The following PCDHA2 variants were observed in gnomAD, a reference collection of about 807,000 sequenced individuals.
PCDHA2 encodes protocadherin alpha 2.
In PCDHA2, 58 loss-of-function variants were observed where a neutral mutation model predicts 66.0. That is an observed-to-expected ratio of 0.88 (90% CI 0.71 to 1.09). The LOEUF (loss-of-function observed/expected upper bound fraction) is 1.09. Ranked by LOEUF, PCDHA2 falls within the 50% of genes least tolerant of loss-of-function variation. PCDHA2 has a pLI of 0.00. For missense variants in PCDHA2, 1,267 were observed against 1,242.3 expected (o/e 1.02, Z -0.30); for synonymous variants, 634 against 554.0 (o/e 1.14, Z -2.03).
At chr5:140,951,741 C>A (rs1490111006) in intron 1 of PCDHA2, among the ~76,000 whole-genome samples, 3 of 152,062 alleles carry the variant, frequency 2.0e-5, no homozygotes, top group Non-Finnish European at 4.4e-5. Flanking sequence ...CTGCCACTGC[C>A]CTCACCCTCC....
At chr5:140,964,213 A>G (rs1338010666) in intron 1 of PCDHA2, among the ~76,000 whole-genome samples, 10 of 152,210 alleles carry the variant, frequency 6.6e-5, no homozygotes, top group African/African-American at 1.9e-4. Flanking sequence ...CTTTAGTACA[A>G]TGTCTTTCAA....
At chr5:140,884,637 A>G in intron 1 of PCDHA2, 2 of 1,610,636 alleles carry the variant, frequency 1.2e-6, no homozygotes, top group Non-Finnish European at 1.7e-6. Flanking sequence ...GGCCAGAGGG[A>G]GGAGGACTCA....
At chr5:140,956,331 C>T (rs1554222358) in intron 1 of PCDHA2, among the ~76,000 whole-genome samples, 1 of 152,064 alleles carries the variant, frequency 6.6e-6, no homozygotes, top group Non-Finnish European at 1.5e-5. Flanking sequence ...TCCTTCAATA[C>T]CTAGTTTATT....
chr5:140,917,131 G>A (rs572644426), intron 1 of PCDHA2, among the ~76,000 whole-genome samples: 28 of 152,190 alleles, frequency 1.8e-4, no homozygotes, highest in African/African-American at 5.8e-4. Context: ...GACTCCCCAC[G>A]TTGCTCAGCT....
At chr5:140,800,949 C>T in intron 1 of PCDHA2, 1 of 1,081,050 alleles carries the variant, frequency 9.3e-7, no homozygotes, top group Non-Finnish European at 1.2e-6. Context: ...GTTCAAACGA[C>T]ATACAAGGAA....
chr5:140,901,331 G>A (rs545187943), intron 1 of PCDHA2, among the ~76,000 whole-genome samples: 66 of 152,062 alleles, frequency 4.3e-4, no homozygotes, highest in Non-Finnish European at 7.1e-4. Flanking sequence ...TCTTGTAGTC[G>A]TTTTATAGTT....
At chr5:140,883,388 G>T (rs2059587175) in intron 1 of PCDHA2, 2 of 1,614,164 alleles carry the variant, frequency 1.2e-6, no homozygotes, top group Non-Finnish European at 1.7e-6. Context: ...CCTAATCAGT[G>T]TGTCCGATCG....
chr5:141,000,618 G>A (rs1354281260), intron 3 of PCDHA2, among the ~76,000 whole-genome samples: 1 of 150,858 alleles, frequency 6.6e-6, no homozygotes, highest in Non-Finnish European at 1.5e-5. Flanking sequence ...AGTAGAGACA[G>A]GGTTTCACCA....
intron 1 of PCDHA2, chr5:140,850,098 G>A: frequency 6.3e-7 from 1 of 1,596,440 alleles, no homozygotes; most frequent in South Asian, 1.1e-5. Context: ...ACAGTTCCAG[G>A]TGAGCGCGCG....
At chr5:140,866,764 G>A (rs2049554706) in intron 1 of PCDHA2, 1 of 152,110 alleles carries the variant, frequency 6.6e-6, no homozygotes, top group Non-Finnish European at 1.5e-5. Flanking sequence ...GGACATACAG[G>A]CAGATTGTAT....
chr5:141,000,389 C>CTATA (rs2097911342), intron 3 of PCDHA2, among the ~76,000 whole-genome samples: 3 of 62,588 alleles, frequency 4.8e-5, no homozygotes, highest in Non-Finnish European at 8.6e-5. Flanking sequence ...CTCTCTCTCT[C>CTATA]TCTCTCTATA....
chr5:140,917,574 A>AT (rs2078267630), intron 1 of PCDHA2, among the ~76,000 whole-genome samples: 2 of 152,154 alleles, frequency 1.3e-5, no homozygotes, highest in Non-Finnish European at 2.9e-5. Context: ...TCTCAGGCTG[A>AT]TTTTTGTTCA....
intron 1 of PCDHA2, chr5:140,841,790 G>T (rs2150322746): frequency 6.2e-7 from 1 of 1,613,884 alleles, no homozygotes. Flanking sequence ...GCTAGAGGGC[G>T]CGTCCGATGC....
Position 140,920,894 on chromosome 5 carries a change from T to G in PCDHA2, c.2389-58055T>G, listed in dbSNP as rs114918834. Among the ~76,000 whole-genome samples the G allele has an allele frequency of 2.6e-3, 390 of 151,496 alleles. 2 individuals carry two copies. The highest frequency in any genetic ancestry group is 9.2e-3 in the African/African-American group (379 of 41,284). Reference sequence around the variant, plus strand: ...GTGGCCCTTAGAACTTAAAGTCATATTTTGGTTCTCAAATCAGTTCCAAGA... The same window carrying G: ...GTGGCCCTTAGAACTTAAAGTCATAGTTTGGTTCTCAAATCAGTTCCAAGA... On this transcript the variant is annotated intron_variant, in intron 1 of 3. Coordinates refer to ENST00000526136, the MANE Select transcript of PCDHA2 (RefSeq NM_018905.3).
chr5:140,884,339 G>C, intron 1 of PCDHA2: 1 of 1,613,906 alleles, frequency 6.2e-7, no homozygotes, highest in African/African-American at 1.3e-5. Flanking sequence ...GGGTCCAGAA[G>C]CGGCGCTGGT....
intron 1 of PCDHA2, among the ~76,000 whole-genome samples, chr5:140,880,522 T>C (rs2058372712): frequency 6.6e-6 from 1 of 152,232 alleles, no homozygotes; most frequent in South Asian, 2.1e-4. Flanking sequence ...CATCTCTCAA[T>C]GTGTGAATCA....
In PCDHA2 at chr5:140,883,501, C is replaced by A. The variant is rs570168326; in HGVS notation, c.2388+86149C>A. On this transcript the variant is annotated intron_variant, in intron 1 of 3. Transcript: ENST00000526136. ...ACTACTACTCATTAGTGCTGGACAGCGCCCTGGACCGCGAGAGCGTATCAG... is the reference window on the plus strand; with the variant it reads ...ACTACTACTCATTAGTGCTGGACAGAGCCCTGGACCGCGAGAGCGTATCAG... 3.7e-6 allele frequency: 6 copies of A among 1,614,194 alleles called. No homozygotes were observed. In the Admixed American group the frequency reaches 8.3e-5, roughly 22 times the overall value.
At chr5:140,914,360 T>C (rs782101976) in intron 1 of PCDHA2, among the ~76,000 whole-genome samples, 10 of 152,218 alleles carry the variant, frequency 6.6e-5, no homozygotes, top group Non-Finnish European at 1.5e-4. Context: ...GTTTTTGTCT[T>C]GAGATCTATT....
rs149491908 is a variant in PCDHA2 at position 140,796,876 on chromosome 5, G to A, written c.1912G>A (p.Asp638Asn). ...TGEISTTRAL[D>N]EADSPRHRLL... ...TGAGATCAGCACGACACGTGCCCTA[G>A]ACGAGGCTGACTCCCCTCGACACCG... The change falls in exon 1 of 4, where the codon GAC (aspartate) becomes AAC (asparagine). Residue 638 changes from aspartate (D) to asparagine (N), a missense_variant. Physicochemically the swap from Asp to Asn is conservative, Grantham distance 23. Coordinates refer to ENST00000526136, the MANE Select transcript of PCDHA2 (RefSeq NM_018905.3). 194 of 1,614,034 alleles carry A rather than the reference G, an allele frequency of 1.2e-4. No homozygotes were observed. In the African/African-American group the frequency reaches 2.1e-3, roughly 18 times the overall value.
Sources: gnomAD v4.1 joint callset for allele counts (sites outside exome capture counted in the v4.1 genomes callset) on GRCh38, gnomAD v4.1.1 for gene constraint, MANE v1.5 for transcripts, NCBI Gene and HGNC (gene_info 2026-07-23, HGNC 2026-07-21) for gene names.